Variants in PTPRD observed in about 807,000 individuals in gnomAD.
PTPRD encodes the protein protein tyrosine phosphatase receptor type D.
Under a neutral mutation model 214.5 loss-of-function variants are expected in PTPRD, and 34 were observed. The observed-to-expected ratio is 0.16, with a 90% CI of 0.12 to 0.21. The LOEUF (loss-of-function observed/expected upper bound fraction) is 0.21. Among genes scored for constraint, PTPRD ranks in the 10% least tolerant of loss-of-function variants. The pLI, the probability that PTPRD is intolerant of heterozygous loss-of-function variation, is 1.00. For missense variants in PTPRD, 2,545 were observed against 2,398.7 expected (o/e 1.06, Z -1.27); for synonymous variants, 1,128 against 845.7 (o/e 1.33, Z -5.79).
chr9:9,289,255 G>A (rs915710565), intron 9 of PTPRD, among the ~76,000 whole-genome samples: 5 of 151,800 alleles, frequency 3.3e-5, no homozygotes, highest in African/African-American at 1.2e-4. Context: ...AGTGATACAT[G>A]TGCATGCTAA....
chr9:8,528,489 G>C (rs775589231), intron 15 of PTPRD, 102 bp downstream of exon 15: 5 of 1,046,760 alleles, frequency 4.8e-6, no homozygotes, highest in Non-Finnish European at 1.4e-6. Flanking sequence ...AGAAAAATCA[G>C]TACCTAGAAA....
At chr9:9,218,583 A>AAAGCT (rs1293802197) in intron 9 of PTPRD, among the ~76,000 whole-genome samples, 1 of 152,176 alleles carries the variant, frequency 6.6e-6, no homozygotes, top group Non-Finnish European at 1.5e-5. Flanking sequence ...GAGACAAATG[A>AAAGCT]AAGCTAAGTC....
Position 8,929,729 on chromosome 9 carries a change from A to G in PTPRD, c.-104+88968T>C, listed in dbSNP as rs200599844. ...TGTATATATATATGTGTATATATATATGTGTATATATATGTGTATATATAT... is the reference window on the plus strand; with the variant it reads ...TGTATATATATATGTGTATATATATGTGTGTATATATATGTGTATATATAT... On this transcript the variant is annotated intron_variant, in intron 11 of 45. Transcript: ENST00000381196. Among the ~76,000 whole-genome samples, 175 of 99,448 alleles carry G rather than the reference A, an allele frequency of 1.8e-3. 4 individuals are homozygous for G. Among genetic ancestry groups the G allele is most frequent in the East Asian group, 6.8e-3 (25 of 3,688 alleles). The allele number at this position is 99,448 out of a possible 152,430, so 65.2% of individuals were successfully genotyped here.
At chr9:9,691,097 T>G (rs1287481699) in intron 7 of PTPRD, among the ~76,000 whole-genome samples, 6 of 151,958 alleles carry the variant, frequency 3.9e-5, no homozygotes, top group Non-Finnish European at 8.8e-5. Context: ...AATAATAACA[T>G]CATGGAAAAA....
At chr9:8,703,074 T>C (rs1424769963) in intron 12 of PTPRD, among the ~76,000 whole-genome samples, 2 of 152,172 alleles carry the variant, frequency 1.3e-5, no homozygotes, top group Non-Finnish European at 1.5e-5. Context: ...AAGGGTTCCA[T>C]CAAATCAGCA....
intron 12 of PTPRD, among the ~76,000 whole-genome samples, chr9:8,728,060 C>T (rs959660897): frequency 6.6e-6 from 1 of 151,676 alleles, no homozygotes. Flanking sequence ...CCAGCCTGAC[C>T]AATATGGAGA....
intron 2 of PTPRD, among the ~76,000 whole-genome samples, chr9:10,518,052 A>T (rs1889829): frequency 6.6e-6 from 1 of 152,140 alleles, no homozygotes; most frequent in African/African-American, 2.4e-5. Context: ...GAAAGGAAAA[A>T]ACTGTCACAT....
intron 7 of PTPRD, among the ~76,000 whole-genome samples, chr9:9,625,394 C>T (rs2095388976): frequency 6.6e-6 from 1 of 152,094 alleles, no homozygotes; most frequent in South Asian, 2.1e-4. Context: ...GTTAGAGTGG[C>T]TAGGAGTACG....
At chr9:9,743,611 C>G (rs1202093177) in intron 6 of PTPRD, among the ~76,000 whole-genome samples, 2 of 152,046 alleles carry the variant, frequency 1.3e-5, no homozygotes, top group Middle Eastern at 3.4e-3. Context: ...AATCCACACC[C>G]TCTTCCTTTT....
intron 7 of PTPRD, among the ~76,000 whole-genome samples, chr9:9,592,416 C>T (rs1344890975): frequency 6.6e-6 from 1 of 151,932 alleles, no homozygotes; most frequent in Non-Finnish European, 1.5e-5. Context: ...TGTTCATATA[C>T]AATATGAAAA....
chr9:8,736,432 A>G (rs934560097), intron 11 of PTPRD, among the ~76,000 whole-genome samples: 5 of 152,208 alleles, frequency 3.3e-5, no homozygotes, highest in Admixed American at 2.0e-4. Context: ...TAATTTTTAA[A>G]ACTGAAATAT....
chr9:10,009,021 T>C (rs1321905086), intron 4 of PTPRD, among the ~76,000 whole-genome samples: 1 of 151,970 alleles, frequency 6.6e-6, no homozygotes, highest in Non-Finnish European at 1.5e-5. Flanking sequence ...ATCAAACTTG[T>C]TCTCTAATAA....
intron 8 of PTPRD, among the ~76,000 whole-genome samples, chr9:9,414,299 C>G (rs1302597642): frequency 1.3e-5 from 2 of 152,208 alleles, no homozygotes; most frequent in African/African-American, 2.4e-5. Context: ...TGTGTTCAGT[C>G]AGGTTCTTTC....
chr9:9,324,249 C>T (rs1406403521), intron 9 of PTPRD, among the ~76,000 whole-genome samples: 1 of 152,118 alleles, frequency 6.6e-6, no homozygotes, highest in Non-Finnish European at 1.5e-5. Flanking sequence ...GTTCCAGATC[C>T]TTGAGGAATC....
At chr9:8,642,039 A>G (rs959305863) in intron 12 of PTPRD, among the ~76,000 whole-genome samples, 1 of 152,228 alleles carries the variant, frequency 6.6e-6, no homozygotes, top group African/African-American at 2.4e-5. Context: ...AAGTAGTGCT[A>G]GACATAAATC....
chr9:9,301,605 C>T (rs1333062139), intron 9 of PTPRD, among the ~76,000 whole-genome samples: 1 of 151,656 alleles, frequency 6.6e-6, no homozygotes, highest in Non-Finnish European at 1.5e-5. Context: ...TTACTTTATC[C>T]CTTGAATATT....
chr9:9,458,448 C>A lies in PTPRD; in HGVS notation c.-236-60966G>T, dbSNP rs1396644565. Among the ~76,000 whole-genome samples the A allele has an allele frequency of 2.6e-5, 4 of 151,832 alleles. No individual in the cohort carries two copies. In the East Asian group the frequency reaches 7.8e-4, roughly 29 times the overall value. On this transcript the variant is annotated intron_variant, in intron 8 of 45. Transcript: ENST00000381196. Reference sequence around the variant, plus strand: ...TGATAGGTTGATTTAAGATTTTATTCTTTTAGGCTAACTTTGTATAATGAG... The same window carrying A: ...TGATAGGTTGATTTAAGATTTTATTATTTTAGGCTAACTTTGTATAATGAG...
intron 5 of PTPRD, among the ~76,000 whole-genome samples, chr9:9,829,441 G>A (rs996989046): frequency 6.6e-6 from 1 of 151,752 alleles, no homozygotes; most frequent in African/African-American, 2.4e-5. Context: ...ATTTTGTTCT[G>A]ATTTTAATAT....
intron 12 of PTPRD, chr9:8,713,438 G>A (rs1321708211): frequency 1.6e-5 from 17 of 1,091,902 alleles, no homozygotes; most frequent in African/African-American, 3.1e-5. Context: ...GCCAAGTCCC[G>A]CTTCTGGTAC....
Sources: gnomAD v4.1 joint callset for allele counts (sites outside exome capture counted in the v4.1 genomes callset) on GRCh38, gnomAD v4.1.1 for gene constraint, MANE v1.5 for transcripts, NCBI Gene and HGNC (gene_info 2026-07-23, HGNC 2026-07-21) for gene names.